SNTG2: variants seen among roughly 807,000 people sequenced by gnomAD.
SNTG2 encodes syntrophin gamma 2.
Under a neutral mutation model 70.9 loss-of-function variants are expected in SNTG2, and 74 were observed. The observed-to-expected ratio is 1.04, with a 90% confidence interval of 0.86 to 1.27. The LOEUF (loss-of-function observed/expected upper bound fraction) is 1.27. SNTG2 is among the 50% of genes most tolerant of loss of function. The pLI is 0.00. For missense variants in SNTG2, 717 were observed against 690.7 expected, an observed-to-expected ratio of 1.04 and a Z score of -0.43; for synonymous variants, 278 against 273.8, an observed-to-expected ratio of 1.02 and a Z score of -0.15.
At chr2:1,279,093 C>T (rs559001291) in intron 14 of SNTG2, among the ~76,000 whole-genome samples, 86 of 149,090 alleles carry the variant, frequency 5.8e-4, no homozygotes, top group Admixed American at 8.7e-4. Flanking sequence ...TCTGTCAGTG[C>T]GCGAATCACC....
At chr2:1,258,307 G>A (rs1408603128) in intron 12 of SNTG2, among the ~76,000 whole-genome samples, 1 of 152,174 alleles carries the variant, frequency 6.6e-6, no homozygotes, top group Non-Finnish European at 1.5e-5. Context: ...AATTCGAGAT[G>A]TAACTCTTAT....
At chr2:971,991 T>C (rs1285762505) in intron 1 of SNTG2, among the ~76,000 whole-genome samples, 1 of 152,192 alleles carries the variant, frequency 6.6e-6, no homozygotes, top group Non-Finnish European at 1.5e-5. Flanking sequence ...TGATTTCTAT[T>C]TTTATTGTGG....
At chr2:954,036 G>A (rs1300941437) in intron 1 of SNTG2, among the ~76,000 whole-genome samples, 2 of 152,170 alleles carry the variant, frequency 1.3e-5, no homozygotes, top group Non-Finnish European at 2.9e-5. Flanking sequence ...GTATATTCAG[G>A]ATAGACTTAC....
chr2:1,125,919 AC>A (rs938461428), intron 4 of SNTG2, among the ~76,000 whole-genome samples: 5 of 152,210 alleles, frequency 3.3e-5, no homozygotes, highest in Admixed American at 3.3e-4. Flanking sequence ...ATGCTTCAAT[AC>A]ATACAATTTA....
In SNTG2 at chr2:1,165,570, G is replaced by A. The variant is rs1273499463; in HGVS notation, c.434G>A (p.Gly145Asp). Reference sequence around the variant, plus strand: ...CAGGTGCATCTGCTGAGAAATGCTGGCGATGAAGTTACCATCACCGTTGAG... The same window carrying A: ...CAGGTGCATCTGCTGAGAAATGCTGACGATGAAGTTACCATCACCGTTGAG... Reference protein sequence around the residue: ...EEVVHLLRNAGDEVTITVEYL... With the variant: ...EEVVHLLRNADDEVTITVEYL... The change falls in exon 7 of 17, where the codon GGC becomes GAC. Residue 145 changes from glycine (G) to aspartate (D), a missense_variant. Gly to Asp is a moderately conservative substitution (Grantham distance 94, BLOSUM62 -1). Transcript: ENST00000308624. 1 of 1,611,988 alleles carries A rather than the reference G, an allele frequency of 6.2e-7. No individual in the cohort carries two copies. Among genetic ancestry groups the A allele is most frequent in the Non-Finnish European group, 8.5e-7 (1 of 1,178,752 alleles).
rs183781642 is a variant in SNTG2, at chr2:1,331,740, G to A, written c.1488+15365G>A. Among the ~76,000 whole-genome samples the A allele has an allele frequency of 9.0e-4, 137 of 152,334 alleles. 1 individual carries two copies. Among genetic ancestry groups the A allele is most frequent in the Non-Finnish European group, 2.1e-4 (14 of 68,026 alleles). ...ACCTCAGCCTGGCATCTCTCTGGCT[G>A]TGAAGTCATCGTTTTCTTATTTTAA... On this transcript the variant is annotated intron_variant, in intron 16 of 16. Transcript: ENST00000308624.
intron 1 of SNTG2, among the ~76,000 whole-genome samples, chr2:991,718 G>T (rs1342792137): frequency 1.3e-5 from 2 of 152,162 alleles, no homozygotes; most frequent in Non-Finnish European, 2.9e-5. Context: ...CCCGGCACAG[G>T]GAAGGCACAG....
At chr2:1,142,379 T>G (rs114863579) in intron 6 of SNTG2, among the ~76,000 whole-genome samples, 3,532 of 152,238 alleles carry the variant, frequency 0.023, 145 homozygotes, top group African/African-American at 0.081. Flanking sequence ...GGGTCCACCA[T>G]CCCTTTGGAT....
intron 8 of SNTG2, among the ~76,000 whole-genome samples, chr2:1,198,547 A>T (rs1242696510): frequency 6.6e-6 from 1 of 152,124 alleles, no homozygotes; most frequent in African/African-American, 2.4e-5. Flanking sequence ...CAAAAGTAGC[A>T]GAAGGGAAAA....
chr2:1,036,302 CAT>C (rs1318820293), intron 1 of SNTG2, among the ~76,000 whole-genome samples: 1 of 151,840 alleles, frequency 6.6e-6, no homozygotes, highest in Non-Finnish European at 1.5e-5. Flanking sequence ...TTTTTTCAAA[CAT>C]AGCAGGAATC....
chr2:1,259,220 T>G, intron 12 of SNTG2, 150 bp from the exon 13 acceptor site: 1 of 645,916 alleles, frequency 1.5e-6, no homozygotes, highest in Non-Finnish European at 2.7e-6. Flanking sequence ...CTCACAGCAG[T>G]ACGTAAAGTT....
intron 14 of SNTG2, among the ~76,000 whole-genome samples, chr2:1,277,664 T>C (rs745324627): frequency 6.6e-6 from 1 of 152,214 alleles, no homozygotes. Context: ...AATTTCAACA[T>C]GAGTTTTGGT....
intron 14 of SNTG2, among the ~76,000 whole-genome samples, chr2:1,287,439 A>G (rs940628077): frequency 2.0e-5 from 3 of 152,118 alleles, no homozygotes; most frequent in Non-Finnish European, 4.4e-5. Context: ...CTGGTTTCTA[A>G]ACGTGTTCAC....
At chr2:1,114,768 T>C (rs1256748395) in intron 4 of SNTG2, among the ~76,000 whole-genome samples, 1 of 152,016 alleles carries the variant, frequency 6.6e-6, no homozygotes, top group Non-Finnish European at 1.5e-5. Flanking sequence ...CTTATACTCC[T>C]TTGAGAAGGA....
rs992771042 is a variant in SNTG2 at position 1,112,733 on chromosome 2, G to A, written c.325+14323G>A. ...CCCTTACAGTCCTTTGAGGAGGATC[G>A]TGTGTACTAAGTGAGGTTTAACCCT... On this transcript the variant is annotated intron_variant, in intron 4 of 16. Transcript: ENST00000308624. Among the ~76,000 whole-genome samples, 7 of 147,892 alleles carry A rather than the reference G, an allele frequency of 4.7e-5. 1 individual carries two copies. Among genetic ancestry groups the A allele is most frequent in the Non-Finnish European group, 7.4e-5 (5 of 67,614 alleles).
At chr2:1,064,362 A>G (rs1439543449) in intron 1 of SNTG2, among the ~76,000 whole-genome samples, 3 of 151,880 alleles carry the variant, frequency 2.0e-5, no homozygotes, top group African/African-American at 4.8e-5. Context: ...AGTGCCTGAA[A>G]TTAAATATAA....
chr2:1,285,122 C>T (rs1679715352), intron 14 of SNTG2, among the ~76,000 whole-genome samples: 1 of 152,038 alleles, frequency 6.6e-6, no homozygotes. Context: ...AAGCATCCAG[C>T]ACAGGAGAAA....
chr2:982,319 G>C (rs770098639), intron 1 of SNTG2, among the ~76,000 whole-genome samples: 3 of 152,060 alleles, frequency 2.0e-5, no homozygotes, highest in Non-Finnish European at 4.4e-5. Flanking sequence ...AGGAATTCAC[G>C]TTCCACACTT....
chr2:1,043,954 T>C (rs188651647), intron 1 of SNTG2, among the ~76,000 whole-genome samples: 105 of 152,276 alleles, frequency 6.9e-4, no homozygotes, highest in Non-Finnish European at 1.2e-3. Context: ...TGAAAAATAT[T>C]GGTAGTTTGA....
Sources: gnomAD v4.1 joint callset for allele counts (sites outside exome capture counted in the v4.1 genomes callset) on GRCh38, gnomAD v4.1.1 for gene constraint, MANE v1.5 for transcripts, NCBI Gene and HGNC (gene_info 2026-07-23, HGNC 2026-07-21) for gene names.